The following CDC20B variants were observed in gnomAD, a reference collection of about 807,000 sequenced individuals.
The protein encoded by CDC20B is cell division cycle 20B, also known as cell division cycle protein 20 homolog B.
CDC20B carries 58 observed loss-of-function variants against 64.1 expected under a neutral mutation model. The observed-to-expected ratio is 0.90, with a 90% CI of 0.73 to 1.13. The LOEUF (loss-of-function observed/expected upper bound fraction) is 1.13, where lower values mean the gene tolerates loss of function less well. Among genes scored for constraint, CDC20B ranks in the 50% most tolerant of loss-of-function variants. The pLI, the probability that CDC20B is intolerant of heterozygous loss-of-function variation, is 0.00. For missense variants in CDC20B, 597 were observed against 633.0 expected, an observed-to-expected ratio of 0.94 and a Z score of 0.61; for synonymous variants, 243 against 230.6, an observed-to-expected ratio of 1.05 and a Z score of -0.49.
At position 55,172,970 on chromosome 5, in the gene CDC20B, G is replaced by C. The variant is rs373378995; in HGVS notation, c.31C>G (p.Arg11Gly). Residue 11 changes from arginine (R) to glycine (G), a missense_variant, in exon 1 of 12, where the codon CGG becomes GGG. Arg to Gly is a moderately radical substitution (Grantham distance 125). Transcript: ENST00000381375. MEWKLERTAP[R>G]RVRTEEEMLW... ...ATCTCCTCTTCCGTGCGGACCCTCC[G>C]AGGCGCGGTGCGCTCCAGTTTCCAC... is the stretch of plus-strand genomic sequence containing the variant. 1.9e-6 allele frequency: 3 copies of C among 1,611,974 alleles called. No individual in the cohort carries two copies. Among genetic ancestry groups the C allele is most frequent in the African/African-American group, 1.3e-5 (1 of 74,966 alleles).
chr5:55,114,271 G>C lies in CDC20B; in HGVS notation c.1507C>G (p.Arg503Gly). The change falls in exon 12 of 12, where the codon CGG becomes GGG. Residue 503 changes from arginine (R) to glycine (G), a missense_variant. By Grantham distance (125) the Arg-to-Gly change is moderately radical. Transcript: ENST00000381375. This position sits in a 1 kb window ranked among gnomAD's most constrained non-coding sequence, Gnocchi z 4.1. ...CCATCAGCTGCAGCAGAAAACACCC[G>C]GGTCTGGTCTGGACTCAAAGACAGG... ...LHLSLSPDQT[R>G]VFSAAADGTA... The C allele has an allele frequency of 1.2e-6, 2 of 1,613,858 alleles. No homozygotes were observed. Among genetic ancestry groups the C allele is most frequent in the East Asian group, 2.2e-5 (1 of 44,854 alleles).
At chr5:55,157,551 G>A (rs1201070643) in intron 2 of CDC20B, among the ~76,000 whole-genome samples, 1 of 152,214 alleles carries the variant, frequency 6.6e-6, no homozygotes, top group Non-Finnish European at 1.5e-5. Flanking sequence ...AGATATACAC[G>A]TAAGTTTTCA....
intron 11 of CDC20B, among the ~76,000 whole-genome samples, chr5:55,117,559 A>G (rs983282537): frequency 6.6e-6 from 1 of 152,174 alleles, no homozygotes; most frequent in African/African-American, 2.4e-5. Flanking sequence ...ACCCTGATCC[A>G]GATCTCAGTC....
Position 55,114,172 on chromosome 5 carries a change from A to G in CDC20B, c.*46T>C, listed in dbSNP as rs1580332542. 1 of 1,587,040 alleles carries G rather than the reference A, an allele frequency of 6.3e-7. No individual in the cohort carries two copies. The highest frequency in any genetic ancestry group is 8.6e-7 in the Non-Finnish European group (1 of 1,166,782). ...TGGAGAAGACATAGCCAACATCATCATCTTCACTCAGAAATAAGGAAACTG... is the reference window on the plus strand; with the variant it reads ...TGGAGAAGACATAGCCAACATCATCGTCTTCACTCAGAAATAAGGAAACTG... On this transcript the variant is annotated 3_prime_UTR_variant, in exon 12 of 12. Transcript: ENST00000381375. The surrounding 1 kb of genome is among the most constrained non-coding windows in gnomAD (Gnocchi z 4.1).
At chr5:55,128,673 C>A in intron 6 of CDC20B, 56 bp from the exon 7 acceptor site, 1 of 1,290,540 alleles carries the variant, frequency 7.7e-7, no homozygotes, top group South Asian at 1.8e-5. Context: ...AAAACATGTT[C>A]AAATAAACAA....
chr5:55,126,122 A>G (rs1318377079), intron 8 of CDC20B, among the ~76,000 whole-genome samples: 4 of 152,228 alleles, frequency 2.6e-5, no homozygotes, highest in African/African-American at 9.6e-5. Flanking sequence ...AATTGACTGC[A>G]ATAACTAAGT....
At chr5:55,127,617 T>C (rs1742927369) in intron 7 of CDC20B, among the ~76,000 whole-genome samples, 1 of 152,220 alleles carries the variant, frequency 6.6e-6, no homozygotes, top group Admixed American at 6.5e-5. Flanking sequence ...GAATTCAATG[T>C]GCAGCCAAGG....
At chr5:55,116,535 AC>A (rs1346292465) in intron 11 of CDC20B, among the ~76,000 whole-genome samples, 1 of 151,960 alleles carries the variant, frequency 6.6e-6, no homozygotes, top group East Asian at 1.9e-4. Context: ...TGCAGCCTCA[AC>A]CTCCTGGACT....
intron 2 of CDC20B, among the ~76,000 whole-genome samples, chr5:55,153,012 G>T (rs1743711290): frequency 6.6e-6 from 1 of 152,122 alleles, no homozygotes; most frequent in Non-Finnish European, 1.5e-5. Context: ...GCCAAGGCAG[G>T]TGGATGGCTT....
chr5:55,133,584 T>C (rs1743083245), intron 5 of CDC20B, 56 bp from the exon 6 acceptor site: 1 of 745,210 alleles, frequency 1.3e-6, no homozygotes, highest in South Asian at 3.5e-5. Context: ...ATAATATTTA[T>C]TCTTGTGGGA....
At chr5:55,130,860 C>T (rs1444734193) in intron 6 of CDC20B, among the ~76,000 whole-genome samples, 1 of 152,178 alleles carries the variant, frequency 6.6e-6, no homozygotes, top group Non-Finnish European at 1.5e-5. Flanking sequence ...GTGTCTCACA[C>T]CTGTAATCCC....
chr5:55,132,058 A>T (rs913467240), intron 6 of CDC20B, among the ~76,000 whole-genome samples: 1 of 151,518 alleles, frequency 6.6e-6, no homozygotes, highest in African/African-American at 2.4e-5. Context: ...GACTCTGTTT[A>T]AAAAAAAAGA....
rs778186791 is a variant in CDC20B, at chr5:55,127,273, G to A, written c.973C>T (p.His325Tyr). Reference sequence around the variant, plus strand: ...GCTTCTTACCTGCTGAGGATAAAGTGATTCCAGCTCAGAGCCCCAACTACT... The same window carrying A: ...GCTTCTTACCTGCTGAGGATAAAGTAATTCCAGCTCAGAGCCCCAACTACT... ...LSVVGALSWN[H>Y]FILSSGSRLG... is the part of the protein sequence containing the mutation. The change falls in exon 8 of 12, where the codon CAC becomes TAC. Residue 325 changes from histidine to tyrosine, a missense_variant. His to Tyr is a moderately conservative substitution (Grantham distance 83). This residue lies in a region of CDC20B where 353 missense variants were observed against 397.0 expected (regional missense o/e 0.89). Transcript: ENST00000381375. The A allele has an allele frequency of 2.0e-5, 32 of 1,613,854 alleles. No individual in the cohort carries two copies. The highest frequency in any genetic ancestry group is 2.6e-5 in the Non-Finnish European group (31 of 1,179,886).
intron 5 of CDC20B, among the ~76,000 whole-genome samples, chr5:55,134,562 G>C (rs996385591): frequency 1.3e-5 from 2 of 152,102 alleles, no homozygotes; most frequent in Non-Finnish European, 2.9e-5. Flanking sequence ...AGGAGTTTGA[G>C]ACCCACCTGG....
rs117375044 is a variant in CDC20B, at chr5:55,155,772, C to A, written c.127-8916G>T. On this transcript the variant is annotated intron_variant, in intron 2 of 11. Coordinates refer to ENST00000381375, the MANE Select transcript of CDC20B (RefSeq NM_001170402.1). ...CACCCCCTTCCTTCCATCATGCTGG[C>A]CAAGGCTACCTTCACTAAGACTCTT... 3.8e-4 allele frequency among the ~76,000 whole-genome samples: 58 copies of A among 152,232 alleles called. No homozygotes were observed. The East Asian group carries it at 0.011, about 28-fold the overall frequency.
intron 7 of CDC20B, 66 bp downstream of exon 7, chr5:55,128,355 T>C: frequency 1.5e-6 from 2 of 1,299,094 alleles, no homozygotes; most frequent in Non-Finnish European, 2.1e-6. Context: ...AACTTGTTAT[T>C]AAAAGTCAAT....
At chr5:55,161,048 T>G (rs1351395943) in intron 2 of CDC20B, 1 of 1,614,128 alleles carries the variant, frequency 6.2e-7, no homozygotes, top group South Asian at 1.1e-5. Context: ...CAGAAATTAC[T>G]TAGGGCTGAA....
chr5:55,160,707 T>G (rs1743999768), intron 2 of CDC20B: 1 of 455,808 alleles, frequency 2.2e-6, no homozygotes, highest in South Asian at 3.9e-5. Context: ...GGTTCTATAA[T>G]CTAATAACTT....
chr5:55,172,534 C>A, intron 2 of CDC20B, 54 bp downstream of exon 2: 1 of 1,333,194 alleles, frequency 7.5e-7, no homozygotes, highest in Non-Finnish European at 1.1e-6. Flanking sequence ...ACCAAGAATT[C>A]GTTTGTTCAA....
Sources: allele counts gnomAD v4.1 joint callset (sites outside exome capture counted in the v4.1 genomes callset), GRCh38; gene constraint gnomAD v4.1.1; regional missense constraint gnomAD v4.1.1; non-coding constraint Gnocchi (gnomAD v3.1); transcripts MANE v1.5; gene names NCBI Gene and HGNC (gene_info 2026-07-23, HGNC 2026-07-21).